DENND4C: variants seen among roughly 807,000 people sequenced by gnomAD.
DENND4C encodes DENN domain-containing protein 4C.
In DENND4C, 108 loss-of-function variants were observed where a neutral mutation model predicts 203.0. The observed-to-expected ratio is 0.53, with a 90% CI of 0.46 to 0.62. DENND4C has a LOEUF of 0.62. Ranked by LOEUF, DENND4C falls within the 20% of genes least tolerant of loss-of-function variation. The pLI is 0.00. For missense variants in DENND4C, 2,481 were observed against 2,301.2 expected (o/e 1.08, Z -1.60); for synonymous variants, 871 against 792.4 (o/e 1.10, Z -1.67).
intron 1 of DENND4C, among the ~76,000 whole-genome samples, chr9:19,261,255 C>G (rs1309332221): frequency 6.6e-6 from 1 of 152,008 alleles, no homozygotes; most frequent in African/African-American, 2.4e-5. Flanking sequence ...TGCTGTTTGG[C>G]TACTATAGCT....
chr9:19,321,098 C>T (rs950183868), intron 12 of DENND4C, among the ~76,000 whole-genome samples: 4 of 152,156 alleles, frequency 2.6e-5, no homozygotes, highest in Non-Finnish European at 5.9e-5. Context: ...AAGGATATTT[C>T]ATTAGGTAAT....
intron 1 of DENND4C, among the ~76,000 whole-genome samples, chr9:19,238,687 C>T (rs1223868021): frequency 8.1e-6 from 1 of 123,432 alleles, no homozygotes; most frequent in Non-Finnish European, 1.7e-5. Context: ...GAATTTCGCT[C>T]TTGTGGCCCA....
chr9:19,267,243 C>T (rs1201913347), intron 1 of DENND4C, among the ~76,000 whole-genome samples: 1 of 152,164 alleles, frequency 6.6e-6, no homozygotes, highest in East Asian at 1.9e-4. Context: ...TGGAGTCCAT[C>T]TCTCTTTAGC....
chr9:19,244,097 C>T (rs887882753), intron 1 of DENND4C, among the ~76,000 whole-genome samples: 7 of 152,114 alleles, frequency 4.6e-5, no homozygotes, highest in African/African-American at 7.2e-5. Flanking sequence ...GTGGCGCAAT[C>T]TCGGCTCACT....
intron 10 of DENND4C, among the ~76,000 whole-genome samples, chr9:19,307,091 T>C (rs189604489): frequency 3.3e-4 from 50 of 152,022 alleles, no homozygotes; most frequent in African/African-American, 1.2e-3. Context: ...GCATGCTCAA[T>C]TGTGTTTAAA....
rs936659240 is a variant in DENND4C at position 19,335,012 on chromosome 9, T to G, written c.2496T>G (p.Leu832=). ...CYRVVMQLCG[L]WGHPVLAVRV... ...GAGTAGTGATGCAGCTTTGTGGACT[T>G]TGGGGTCATCCTGTTTTAGCAGTGA... Residue 832 remains leucine, a synonymous_variant, in exon 18 of 33, where the codon CTT becomes CTG. Transcript: ENST00000434457. The G allele has an allele frequency of 1.2e-6, 2 of 1,612,154 alleles. No homozygotes were observed. The highest frequency in any genetic ancestry group is 1.3e-5 in the African/African-American group (1 of 74,780).
At chr9:19,331,849 G>A in intron 16 of DENND4C, 129 bp from the exon 17 acceptor site, 1 of 782,954 alleles carries the variant, frequency 1.3e-6, no homozygotes, top group Non-Finnish European at 2.0e-6. Context: ...ACTCACAAAA[G>A]TCAACTTTGA....
intron 10 of DENND4C, among the ~76,000 whole-genome samples, chr9:19,313,776 G>C (rs1161452327): frequency 6.6e-6 from 1 of 152,216 alleles, no homozygotes; most frequent in Admixed American, 6.5e-5. Flanking sequence ...TTGACTTACA[G>C]TTTCTTGTGC....
chr9:19,296,054 T>G lies in DENND4C; in HGVS notation c.848T>G (p.Leu283Arg). The G allele has an allele frequency of 6.2e-7, 1 of 1,614,166 alleles. No individual in the cohort carries two copies. Among genetic ancestry groups the G allele is most frequent in the Non-Finnish European group, 8.5e-7 (1 of 1,180,014 alleles). ...IQFYEPYSRE[L>R]LSEKQLMHLG... ...TTTTATGAACCTTACTCTCGGGAACTTCTATCAGAGAAACAGCTTATGCAC... is the reference window on the plus strand; with the variant it reads ...TTTTATGAACCTTACTCTCGGGAACGTCTATCAGAGAAACAGCTTATGCAC... The change falls in exon 6 of 33, where the codon CTT becomes CGT. Residue 283 changes from leucine to arginine, a missense_variant. Physicochemically the swap from Leu to Arg is moderately radical, Grantham distance 102. This residue lies in a region of DENND4C where 2,289 missense variants were observed against 2,113.3 expected (regional missense o/e 1.08). Transcript: ENST00000434457.
At chr9:19,369,640 A>G (rs1168890104) in intron 30 of DENND4C, among the ~76,000 whole-genome samples, 197 bp from the exon 31 acceptor site, 2 of 151,732 alleles carry the variant, frequency 1.3e-5, no homozygotes, top group East Asian at 1.9e-4. Context: ...GGTGGCATAC[A>G]TCTGTAGTCC....
intron 9 of DENND4C, 84 bp downstream of exon 9, chr9:19,300,415 T>G: frequency 7.8e-7 from 1 of 1,274,072 alleles, no homozygotes; most frequent in East Asian, 2.7e-5. Flanking sequence ...AACAGCAACT[T>G]TGTAAACAAC....
chr9:19,313,949 G>T (rs1337524227), intron 10 of DENND4C, among the ~76,000 whole-genome samples: 3 of 152,194 alleles, frequency 2.0e-5, no homozygotes, highest in Non-Finnish European at 4.4e-5. Context: ...AGGTATGGTG[G>T]CATGTGCCTC....
intron 10 of DENND4C, among the ~76,000 whole-genome samples, chr9:19,314,222 A>T: frequency 6.6e-6 from 1 of 152,196 alleles, no homozygotes; most frequent in Middle Eastern, 3.2e-3. Flanking sequence ...TGGGAGGCTG[A>T]TGCAGGCGGA....
intron 1 of DENND4C, among the ~76,000 whole-genome samples, chr9:19,261,617 C>G (rs1408619987): frequency 6.6e-6 from 1 of 151,856 alleles, no homozygotes; most frequent in Non-Finnish European, 1.5e-5. Flanking sequence ...ATCTTCTCGC[C>G]TCAGCCTCCT....
rs74413727 is a variant in DENND4C, at chr9:19,246,655, A to G, written c.-18+15822A>G. Reference sequence around the variant, plus strand: ...TTTTTTTTTTTAAGCCAACTCATCTATGTTCATCTATGTTGTGACTTCTTG... The same window carrying G: ...TTTTTTTTTTTAAGCCAACTCATCTGTGTTCATCTATGTTGTGACTTCTTG... On this transcript the variant is annotated intron_variant, in intron 1 of 32. Transcript: ENST00000434457. Among the ~76,000 whole-genome samples the G allele has an allele frequency of 1.1e-3, 162 of 150,898 alleles. 1 individual carries two copies. In the East Asian group the frequency reaches 0.025, roughly 23 times the overall value.
At chr9:19,359,956 T>C (rs1826127025) in intron 28 of DENND4C, among the ~76,000 whole-genome samples, 1 of 152,182 alleles carries the variant, frequency 6.6e-6, no homozygotes, top group African/African-American at 2.4e-5. Context: ...AAATATTTCT[T>C]ATAAAAATTG....
chr9:19,269,321 C>T (rs945558170), intron 1 of DENND4C, among the ~76,000 whole-genome samples: 7 of 152,130 alleles, frequency 4.6e-5, no homozygotes, highest in African/African-American at 1.4e-4. Context: ...CTACCATGCC[C>T]GGCTAATTTG....
intron 1 of DENND4C, among the ~76,000 whole-genome samples, chr9:19,274,887 TAAAAG>T (rs1025450889): frequency 9.9e-4 from 151 of 152,308 alleles, no homozygotes; most frequent in African/African-American, 3.4e-3. Flanking sequence ...TCCTGTAACT[TAAAAG>T]AGAATGATAT....
At chr9:19,343,919 A>C (rs1822231269) in intron 22 of DENND4C, among the ~76,000 whole-genome samples, 1 of 152,250 alleles carries the variant, frequency 6.6e-6, no homozygotes, top group South Asian at 2.1e-4. Context: ...CCTTGGAAAT[A>C]CTATGAGAAC....
Sources: gnomAD v4.1 joint callset for allele counts (sites outside exome capture counted in the v4.1 genomes callset) on GRCh38, gnomAD v4.1.1 for gene constraint, gnomAD v4.1.1 regional missense constraint, MANE v1.5 for transcripts, NCBI Gene and HGNC (gene_info 2026-07-23, HGNC 2026-07-21) for gene names.